SUCO: variants seen among roughly 807,000 people sequenced by gnomAD.
SUCO encodes the protein SUN domain-containing ossification factor.
A neutral mutation model predicts 148.1 loss-of-function variants in SUCO; 57 were observed. The ratio of observed to expected loss-of-function variants is 0.38; its 90% CI spans 0.31 to 0.48. SUCO has a LOEUF of 0.48. SUCO is among the 20% of genes least tolerant of loss of function. The pLI is 0.96. For synonymous variants in SUCO, 470 were observed against 502.7 expected, an observed-to-expected ratio of 0.93 and a Z score of 0.87; for missense variants, 1,331 against 1,468.2, an observed-to-expected ratio of 0.91 and a Z score of 1.53.
upstream of SUCO, chr1:172,533,114 C>T: frequency 7.0e-7 from 1 of 1,431,346 alleles, no homozygotes; most frequent in Non-Finnish European, 9.1e-7. Flanking sequence ...TGGTCGCTGG[C>T]CTCACGGAGC....
rs1651731981 is a variant in SUCO, at chr1:172,533,228, T to C, written c.-208T>C. 2.6e-6 allele frequency: 4 copies of C among 1,543,684 alleles called. No individual in the cohort carries two copies. The East Asian group carries it at 9.8e-5, about 38-fold the overall frequency. Reference sequence around the variant, plus strand: ...AGCGGCGGCGGTCCCCGGAGTCCTGTGAAGCGCCCCTGTCCGCGCCTCTGT... The same window carrying C: ...AGCGGCGGCGGTCCCCGGAGTCCTGCGAAGCGCCCCTGTCCGCGCCTCTGT... On this transcript the variant is annotated 5_prime_UTR_variant, in exon 1 of 24. An upstream open reading frame in the 5' UTR loses its in-frame stop. Coordinates refer to ENST00000263688, the MANE Select transcript of SUCO (RefSeq NM_014283.5).
At chr1:172,557,237 GTTTA>G (rs1169589296) in intron 4 of SUCO, 39 bp from the exon 5 acceptor site, 1 of 1,598,032 alleles carries the variant, frequency 6.3e-7, no homozygotes, top group Non-Finnish European at 8.5e-7. Context: ...ATTACCTCAA[GTTTA>G]TTTAATTACC....
At chr1:172,605,572 G>A (rs773266192) in intron 22 of SUCO, among the ~76,000 whole-genome samples, 4 of 151,788 alleles carry the variant, frequency 2.6e-5, no homozygotes, top group Non-Finnish European at 4.4e-5. Flanking sequence ...CCTTTGTAAT[G>A]TGTTTTGAAA....
chr1:172,603,226 C>T (rs1558215443), intron 22 of SUCO: 1 of 156,534 alleles, frequency 6.4e-6, no homozygotes, highest in East Asian at 1.9e-4. Context: ...TTTTTTAGCT[C>T]CAGAACCTAT....
At chr1:172,599,683 G>C (rs1047845467) in intron 19 of SUCO, among the ~76,000 whole-genome samples, 2 of 152,140 alleles carry the variant, frequency 1.3e-5, no homozygotes, top group African/African-American at 4.8e-5. Context: ...TTTTCAATTT[G>C]TCTTTGCGCC....
intron 15 of SUCO, among the ~76,000 whole-genome samples, chr1:172,584,115 GTTT>G (rs1327507391): frequency 6.6e-6 from 1 of 152,088 alleles, no homozygotes; most frequent in African/African-American, 2.4e-5. Flanking sequence ...TGGTCAATGA[GTTT>G]TTTAAAAGTC....
chr1:172,575,491 AAAG>A (rs754966998), intron 10 of SUCO, 24 bp from the exon 11 acceptor site: 9 of 1,501,796 alleles, frequency 6.0e-6, no homozygotes, highest in South Asian at 3.5e-5. Context: ...AATTTTTAAA[AAAG>A]AACATATTGC....
intron 6 of SUCO, 45 bp from the exon 7 acceptor site, chr1:172,568,971 GTAT>G (rs763868641): frequency 6.8e-7 from 1 of 1,473,482 alleles, no homozygotes; most frequent in Admixed American, 2.6e-5. Flanking sequence ...AAATTTATTT[GTAT>G]TATTTGAAAG....
rs1236282149 is a variant in SUCO, at chr1:172,553,320, A to G, written c.238A>G (p.Ile80Val). ...GGGAAAATCAGGTTCAAATTTACCT[A>G]TTTCTCCAAAAGAACATAAATTAAA... ...SLGKSGSNLP[I>V]SPKEHKLKDD... is the part of the protein sequence containing the mutation. Residue 80 changes from isoleucine (I) to valine (V), a missense_variant, in exon 3 of 24, where the codon ATT (isoleucine) becomes GTT (valine). Coordinates refer to ENST00000263688, the MANE Select transcript of SUCO (RefSeq NM_014283.5). 10 of 1,606,162 alleles carry G rather than the reference A, an allele frequency of 6.2e-6. No homozygotes were observed. In the Admixed American group the frequency reaches 1.0e-4, roughly 16 times the overall value.
At chr1:172,606,322 T>C (rs1470922754) in intron 22 of SUCO, among the ~76,000 whole-genome samples, 1 of 151,528 alleles carries the variant, frequency 6.6e-6, no homozygotes, top group Non-Finnish European at 1.5e-5. Flanking sequence ...TAAGATTTTT[T>C]ATTGGGGAGG....
chr1:172,563,487 G>C (rs1304222022), intron 6 of SUCO, among the ~76,000 whole-genome samples: 1 of 152,206 alleles, frequency 6.6e-6, no homozygotes, highest in Non-Finnish European at 1.5e-5. Flanking sequence ...CTGCTTTAAG[G>C]ATCTGTGGGA....
intron 19 of SUCO, among the ~76,000 whole-genome samples, chr1:172,594,778 A>T (rs1047777650): frequency 3.9e-5 from 6 of 152,214 alleles, no homozygotes; most frequent in African/African-American, 1.4e-4. Flanking sequence ...AGAGTTCAGT[A>T]GATGTCTATT....
At chr1:172,584,925 A>G in intron 15 of SUCO, 93 bp from the exon 16 acceptor site, 1 of 800,704 alleles carries the variant, frequency 1.2e-6, no homozygotes, top group South Asian at 2.2e-5. Context: ...AAAATGCAAA[A>G]GATCATTCTA....
chr1:172,586,415 A>G (rs1208369354), intron 17 of SUCO, among the ~76,000 whole-genome samples: 1 of 152,172 alleles, frequency 6.6e-6, no homozygotes, highest in Non-Finnish European at 1.5e-5. Flanking sequence ...ATTTCTCTGA[A>G]TCATGTAGGC....
At chr1:172,600,696 A>ATG (rs61681764) in intron 20 of SUCO, among the ~76,000 whole-genome samples, 7,093 of 149,010 alleles carry the variant, frequency 0.048, 269 homozygotes, top group Admixed American at 0.13. Context: ...AGAAAATTAA[A>ATG]TGTGTGTGTG....
chr1:172,600,707 TG>T (rs1657451421), intron 20 of SUCO, among the ~76,000 whole-genome samples: 1 of 149,548 alleles, frequency 6.7e-6, no homozygotes, highest in African/African-American at 2.5e-5. Flanking sequence ...TGTGTGTGTG[TG>T]TGTGTGTGTG....
chr1:172,553,535 G>C (rs1653472509), intron 3 of SUCO, among the ~76,000 whole-genome samples, 165 bp downstream of exon 3: 1 of 152,064 alleles, frequency 6.6e-6, no homozygotes, highest in Non-Finnish European at 1.5e-5. Context: ...CTACTTTTGA[G>C]AACATGTAAA....
chr1:172,554,615 T>C (rs772050747), intron 3 of SUCO, among the ~76,000 whole-genome samples: 1 of 151,912 alleles, frequency 6.6e-6, no homozygotes, highest in African/African-American at 2.4e-5. Context: ...TGCACGCCTA[T>C]AGTCTCAGCT....
chr1:172,559,679 A>G (rs1401331005), intron 6 of SUCO, among the ~76,000 whole-genome samples: 1 of 152,208 alleles, frequency 6.6e-6, no homozygotes, highest in Admixed American at 6.5e-5. Flanking sequence ...ATTAAAGGGT[A>G]GTTTATGCAG....
Sources: allele counts gnomAD v4.1 joint callset (sites outside exome capture counted in the v4.1 genomes callset), GRCh38; gene constraint gnomAD v4.1.1; transcripts MANE v1.5; gene names NCBI Gene and HGNC (gene_info 2026-07-23, HGNC 2026-07-21).